Variants in MDGA1 observed in about 807,000 individuals in gnomAD.
MDGA1 encodes MAM domain-containing glycosylphosphatidylinositol anchor protein 1.
In MDGA1, 54 loss-of-function variants were observed where a neutral mutation model predicts 101.5. The observed-to-expected ratio is 0.53, with a 90% CI of 0.43 to 0.67. The LOEUF (loss-of-function observed/expected upper bound fraction) is 0.67, where lower values mean the gene tolerates loss of function less well. MDGA1 is among the 30% of genes least tolerant of loss of function. The pLI, the probability that MDGA1 is intolerant of heterozygous loss-of-function variation, is 0.00. For missense variants in MDGA1, 1,083 were observed against 1,323.8 expected, an observed-to-expected ratio of 0.82 and a Z score of 2.82; for synonymous variants, 533 against 558.3, an observed-to-expected ratio of 0.95 and a Z score of 0.64.
chr6:37,648,190 G>C (rs1413282200), intron 9 of MDGA1: 1 of 152,192 alleles, frequency 6.6e-6, no homozygotes, highest in Non-Finnish European at 1.5e-5. Context: ...GGGGTTTCTG[G>C]GCACCGAAGG....
rs1001003463 is a variant in MDGA1 at position 37,674,496 on chromosome 6, A to G, written c.68-10390T>C. On this transcript the variant is annotated intron_variant, in intron 1 of 16. Coordinates refer to ENST00000434837, the MANE Select transcript of MDGA1 (RefSeq NM_153487.4). ...CTCTGCTGCAAGTGGCGGCTGGTCC[A>G]TTATGTCCCATTCCCTGGGGATGTT... 5.3e-5 allele frequency among the ~76,000 whole-genome samples: 8 copies of G among 152,184 alleles called. No homozygotes were observed. In the South Asian group the frequency reaches 1.0e-3, roughly 20 times the overall value.
In MDGA1 at chr6:37,635,367, C is replaced by T. The variant is rs1008422445; in HGVS notation, c.*2001G>A. On this transcript the variant is annotated 3_prime_UTR_variant, in exon 17 of 17. Transcript: ENST00000434837. ...AAGGCTCAGAGGAGGAGCTCACAGT[C>T]TAGTTGGGGCAATGGACTCTGCACA... The T allele has an allele frequency of 1.8e-5, 7 of 397,752 alleles. No homozygotes were observed. The highest frequency in any genetic ancestry group is 8.2e-5 in the African/African-American group (4 of 48,600). The allele number at this position is 397,752 out of a possible 1,614,324, so 24.6% of individuals were successfully genotyped here.
At chr6:37,694,287 GC>G (rs1311089139) in intron 1 of MDGA1, among the ~76,000 whole-genome samples, 1 of 152,112 alleles carries the variant, frequency 6.6e-6, no homozygotes, top group Non-Finnish European at 1.5e-5. Context: ...CTTAAACAAT[GC>G]CCCCACTGCC....
Position 37,638,764 on chromosome 6 carries a change from G to A in MDGA1, c.2537-97C>T, listed in dbSNP as rs1581839222. ...CCCTCTTCTCCCACCATAGCCTGCA[G>A]CCCTGTCCCTGTTGACAGGACCTCC... On this transcript the variant is annotated intron_variant, in intron 14 of 16. Coordinates refer to ENST00000434837, the MANE Select transcript of MDGA1 (RefSeq NM_153487.4). The surrounding 1 kb of genome is among the most constrained non-coding windows in gnomAD (Gnocchi z 4.8). 6.7e-7 allele frequency: 1 copy of A among 1,485,074 alleles called. No individual in the cohort carries two copies. Among genetic ancestry groups the A allele is most frequent in the African/African-American group, 1.4e-5 (1 of 72,082 alleles). 92.0% of individuals were successfully genotyped at this position (1,485,074 alleles called of 1,614,324 possible). A position where few individuals can be genotyped will look rare whatever the true frequency, so the allele number is the denominator to read the frequency against.
chr6:37,664,842 GACACACACACAC>G (rs35594367), intron 1 of MDGA1, among the ~76,000 whole-genome samples: 1,214 of 55,210 alleles, frequency 0.022, 14 homozygotes, highest in African/African-American at 0.053. Flanking sequence ...CCTAACCTAA[GACACACACACAC>G]ACACACACAC....
At chr6:37,639,070 G>A (rs1374791954) in intron 14 of MDGA1, 3 of 197,288 alleles carry the variant, frequency 1.5e-5, no homozygotes, top group Non-Finnish European at 3.2e-5. Flanking sequence ...CCTGTTGGCA[G>A]TACATGACTT....
At chr6:37,683,787 G>T (rs10456456) in intron 1 of MDGA1, among the ~76,000 whole-genome samples, 1 of 152,026 alleles carries the variant, frequency 6.6e-6, no homozygotes, top group African/African-American at 2.4e-5. Context: ...TCCCTGTCTC[G>T]CTTCCCCATT....
chr6:37,677,480 A>G (rs1762005529), intron 1 of MDGA1, among the ~76,000 whole-genome samples: 1 of 152,222 alleles, frequency 6.6e-6, no homozygotes, highest in Non-Finnish European at 1.5e-5. Context: ...ACTCCAGCAC[A>G]TCGATGCAGG....
Position 37,635,311 on chromosome 6 carries a change from G to A in MDGA1, c.*2057C>T, listed in dbSNP as rs1039645849. On this transcript the variant is annotated 3_prime_UTR_variant, in exon 17 of 17. Coordinates refer to ENST00000434837, the MANE Select transcript of MDGA1 (RefSeq NM_153487.4). ...AGGCTCACTTGTGCTGGGCACGAGC[G>A]GGAGGTGGCGAAGGTGGAGGGGGGA... 9 of 397,384 alleles carry A rather than the reference G, an allele frequency of 2.3e-5. No homozygotes were observed. Among genetic ancestry groups the A allele is most frequent in the Non-Finnish European group, 3.5e-5 (8 of 225,930 alleles). 24.6% of individuals were successfully genotyped at this position (397,384 alleles called of 1,614,324 possible).
chr6:37,646,137 T>C, intron 11 of MDGA1, 61 bp downstream of exon 11: 2 of 1,551,954 alleles, frequency 1.3e-6, no homozygotes, highest in African/African-American at 1.4e-5. Context: ...ATGAGGATGG[T>C]GAAAGGGGTC....
chr6:37,675,745 G>A (rs1032038089), intron 1 of MDGA1, among the ~76,000 whole-genome samples: 1 of 152,142 alleles, frequency 6.6e-6, no homozygotes, highest in Non-Finnish European at 1.5e-5. Context: ...GTTACTCATT[G>A]TTACTCATGT....
intron 1 of MDGA1, among the ~76,000 whole-genome samples, chr6:37,681,139 A>G (rs1014071445): frequency 6.6e-6 from 1 of 152,182 alleles, no homozygotes; most frequent in African/African-American, 2.4e-5. Flanking sequence ...TTGGAATACA[A>G]ATCAGAGGGA....
In MDGA1 at chr6:37,644,610, T is replaced by C. The variant is rs1764181417; in HGVS notation, c.2288A>G (p.Tyr763Cys). 2 of 1,603,706 alleles carry C rather than the reference T, an allele frequency of 1.2e-6. No homozygotes were observed. The highest frequency in any genetic ancestry group is 1.7e-6 in the Non-Finnish European group (2 of 1,175,346). ...CHFEDEKICG[Y>C]TQDLTDNFDW... is the part of the protein sequence containing the mutation. ...AAAGTTGTCTGTCAGGTCCTGGGTATAGCCACAGATCTTCTCATCCTCAAA... is the reference window on the plus strand; with the variant it reads ...AAAGTTGTCTGTCAGGTCCTGGGTACAGCCACAGATCTTCTCATCCTCAAA... The change falls in exon 13 of 17, where the codon TAT (tyrosine) becomes TGT (cysteine). Residue 763 changes from tyrosine (Y) to cysteine (C), a missense_variant. Tyr to Cys is a radical substitution (Grantham distance 194, BLOSUM62 -2). This residue lies in a region of MDGA1 where 657 missense variants were observed against 771.4 expected (regional missense o/e 0.85). Transcript: ENST00000434837.
intron 1 of MDGA1, among the ~76,000 whole-genome samples, chr6:37,687,597 G>T (rs1762223364): frequency 6.6e-6 from 1 of 151,902 alleles, no homozygotes; most frequent in African/African-American, 2.4e-5. Flanking sequence ...GTTTTACATT[G>T]AATTGCTACT....
chr6:37,661,747 C>G (rs1761628669), intron 2 of MDGA1, among the ~76,000 whole-genome samples: 1 of 152,058 alleles, frequency 6.6e-6, no homozygotes. Flanking sequence ...GATTCCATCC[C>G]TAGGAGCTTG....
intron 9 of MDGA1, chr6:37,648,660 TG>T (rs1296451042): frequency 2.4e-6 from 1 of 415,024 alleles, no homozygotes; most frequent in Non-Finnish European, 4.3e-6. Flanking sequence ...TGAGCTGTAA[TG>T]GGCGGGGCTT....
At position 37,644,485 on chromosome 6, in the gene MDGA1, C is replaced by A; in HGVS notation, c.2401+12G>T. 1 of 1,545,316 alleles carries A rather than the reference C, an allele frequency of 6.5e-7. No individual in the cohort carries two copies. The highest frequency in any genetic ancestry group is 1.3e-5 in the South Asian group (1 of 79,860). On this transcript the variant is annotated intron_variant, in intron 13 of 16. Coordinates refer to ENST00000434837, the MANE Select transcript of MDGA1 (RefSeq NM_153487.4). ...GCAATCCTCCATTTCTGGCAGCAGG[C>A]CAGGTCCTCACCCTCAGGGGTGCCA... is the stretch of plus-strand genomic sequence containing the variant.
chr6:37,687,083 T>C (rs919746281), intron 1 of MDGA1, among the ~76,000 whole-genome samples: 1 of 152,114 alleles, frequency 6.6e-6, no homozygotes, highest in Non-Finnish European at 1.5e-5. Flanking sequence ...CGCCTAACTG[T>C]AGGGCCCTGG....
chr6:37,650,042 G>A (rs1761319376), intron 8 of MDGA1, 67 bp downstream of exon 8: 6 of 1,596,976 alleles, frequency 3.8e-6, no homozygotes, highest in East Asian at 4.5e-5. Flanking sequence ...AGGATGAAGA[G>A]GGGACAGGCC....
Sources: gnomAD v4.1 joint callset for allele counts (sites outside exome capture counted in the v4.1 genomes callset) on GRCh38, gnomAD v4.1.1 for gene constraint, gnomAD v4.1.1 regional missense constraint, Gnocchi (gnomAD v3.1) non-coding constraint, MANE v1.5 for transcripts, NCBI Gene and HGNC (gene_info 2026-07-23, HGNC 2026-07-21) for gene names.